The following ZYG11B variants were observed in gnomAD, a reference collection of about 807,000 sequenced individuals.
ZYG11B encodes the protein protein zyg-11 homolog B.
In ZYG11B, 36 loss-of-function variants were observed where a neutral mutation model predicts 82.4. The observed-to-expected ratio is 0.44, with a 90% CI of 0.33 to 0.58. The LOEUF (loss-of-function observed/expected upper bound fraction) is 0.58, where lower values mean the gene tolerates loss of function less well. Among genes scored for constraint, ZYG11B ranks in the 20% least tolerant of loss-of-function variants. ZYG11B has a pLI of 0.02. For missense variants in ZYG11B, 552 were observed against 895.6 expected (o/e 0.62, Z 4.90); for synonymous variants, 303 against 312.8 (o/e 0.97, Z 0.33).
At chr1:52,739,045 G>A (rs532083259) in intron 1 of ZYG11B, among the ~76,000 whole-genome samples, 3 of 136,050 alleles carry the variant, frequency 2.2e-5, no homozygotes, top group African/African-American at 5.8e-5. Context: ...GCAGTGACAC[G>A]ATCTTGGCTC....
intron 12 of ZYG11B, among the ~76,000 whole-genome samples, chr1:52,814,148 G>T (rs1330766713): frequency 6.6e-6 from 1 of 152,112 alleles, no homozygotes; most frequent in African/African-American, 2.4e-5. Flanking sequence ...AGCCTCCCGA[G>T]TAGCTGGGAT....
intron 7 of ZYG11B, 83 bp downstream of exon 7, chr1:52,796,474 A>G: frequency 8.5e-7 from 1 of 1,181,650 alleles, no homozygotes; most frequent in Non-Finnish European, 1.2e-6. Flanking sequence ...GCTGTGTGCC[A>G]GAAACATTAG....
rs869260265 is a variant in ZYG11B at position 52,817,777 on chromosome 1, GTATATATATATATA to G, written c.2044+1174_2044+1187del. The stretch of plus-strand genomic sequence containing the variant: ...AATAGTAAAGTGTGTATATATATGT[GTATATATATATATA>G]TATATATATATATATATATATATAT... On this transcript the variant is annotated intron_variant, in intron 13 of 13. Coordinates refer to ENST00000294353, the MANE Select transcript of ZYG11B (RefSeq NM_024646.3). Among the ~76,000 whole-genome samples, 217 of 41,484 alleles carry G rather than the reference GTATATATATATATA, an allele frequency of 5.2e-3. 2 individuals carry two copies. Among genetic ancestry groups the G allele is most frequent in the African/African-American group, 0.02 (158 of 7,966 alleles). 27.2% of individuals were successfully genotyped at this position (41,484 alleles called of 152,430 possible).
At chr1:52,757,037 C>CTT (rs201568248) in intron 2 of ZYG11B, among the ~76,000 whole-genome samples, 3 of 133,652 alleles carry the variant, frequency 2.2e-5, no homozygotes, top group East Asian at 2.1e-4. Flanking sequence ...TTTGAGAAGT[C>CTT]TTTTTTTTTT....
rs549708637 is a variant in ZYG11B, at chr1:52,799,736, A to G, written c.1486-2083A>G. ...CTTGAATCGGGAAGGTGGAGGTTGC[A>G]GTGAGCCGAGACTGGGCCACTGCAC... On this transcript the variant is annotated intron_variant, in intron 8 of 13. Transcript: ENST00000294353. 2.4e-4 allele frequency among the ~76,000 whole-genome samples: 37 copies of G among 152,184 alleles called. No individual in the cohort carries two copies. The South Asian group carries it at 7.1e-3, about 29-fold the overall frequency.
intron 8 of ZYG11B, 82 bp from the exon 9 acceptor site, chr1:52,801,737 C>T (rs1645077317): frequency 1.7e-6 from 2 of 1,181,652 alleles, no homozygotes; most frequent in African/African-American, 3.1e-5. Flanking sequence ...GACTAATCCT[C>T]ATGGACTTGG....
intron 1 of ZYG11B, among the ~76,000 whole-genome samples, chr1:52,750,397 T>TGAATA (rs1644511126): frequency 6.6e-6 from 1 of 152,078 alleles, no homozygotes; most frequent in Non-Finnish European, 1.5e-5. Flanking sequence ...CTCAGCCTGC[T>TGAATA]GAATAGCTGG....
intron 1 of ZYG11B, among the ~76,000 whole-genome samples, chr1:52,748,253 CTGAT>C (rs1378452497): frequency 6.6e-6 from 1 of 152,102 alleles, no homozygotes; most frequent in Non-Finnish European, 1.5e-5. Flanking sequence ...GCACCAGGAC[CTGAT>C]ACAGAATAAA....
At chr1:52,780,552 G>C (rs955743371) in intron 4 of ZYG11B, among the ~76,000 whole-genome samples, 2 of 152,004 alleles carry the variant, frequency 1.3e-5, no homozygotes, top group African/African-American at 4.8e-5. Context: ...ATTCTATAAG[G>C]TACTTTTCCA....
intron 1 of ZYG11B, among the ~76,000 whole-genome samples, chr1:52,734,995 T>G (rs939340506): frequency 6.6e-5 from 10 of 150,822 alleles, no homozygotes; most frequent in Non-Finnish European, 1.0e-4. Context: ...TCCCAAAGTT[T>G]TGGGATTACA....
intron 2 of ZYG11B, among the ~76,000 whole-genome samples, chr1:52,770,769 G>C (rs1457750017): frequency 6.6e-6 from 1 of 152,184 alleles, no homozygotes; most frequent in African/African-American, 2.4e-5. Context: ...CTAGATGTTA[G>C]TGGATATCAA....
At chr1:52,736,070 T>G (rs1644376442) in intron 1 of ZYG11B, among the ~76,000 whole-genome samples, 1 of 152,196 alleles carries the variant, frequency 6.6e-6, no homozygotes. Context: ...TGTGAACTCC[T>G]TAAGATCCTT....
At chr1:52,809,803 G>A (rs1202557650) in intron 10 of ZYG11B, among the ~76,000 whole-genome samples, 2 of 152,040 alleles carry the variant, frequency 1.3e-5, no homozygotes, top group Non-Finnish European at 2.9e-5. Flanking sequence ...TTGGCCATTT[G>A]TATGTCTTCT....
At chr1:52,791,181 C>T (rs1571781749) in intron 6 of ZYG11B, among the ~76,000 whole-genome samples, 1 of 151,926 alleles carries the variant, frequency 6.6e-6, no homozygotes, top group Non-Finnish European at 1.5e-5. Flanking sequence ...CCACGTTGGC[C>T]ATGCAGGTCT....
chr1:52,790,199 A>T, intron 6 of ZYG11B, 132 bp downstream of exon 6: 1 of 556,720 alleles, frequency 1.8e-6, no homozygotes, highest in Non-Finnish European at 3.0e-6. Context: ...GTTATTTTAT[A>T]GAATGCTAAA....
intron 13 of ZYG11B, among the ~76,000 whole-genome samples, chr1:52,817,775 GTGTATATATATATATATATATATA>G (rs61093472): frequency 4.3e-4 from 14 of 32,566 alleles, no homozygotes; most frequent in African/African-American, 1.1e-3. Flanking sequence ...GTATATATAT[GTGTATATATATATATATATATATA>G]TATATATATA....
chr1:52,739,643 A>T (rs371120539), intron 1 of ZYG11B, among the ~76,000 whole-genome samples: 2,955 of 151,010 alleles, frequency 0.02, 37 homozygotes, highest in Non-Finnish European at 0.031. Flanking sequence ...TTTTTTTTTG[A>T]GAGAGTCTCA....
intron 4 of ZYG11B, among the ~76,000 whole-genome samples, chr1:52,783,882 A>AAGTACATACATGTGTGTGTG (rs1553260823): frequency 7.9e-6 from 1 of 126,012 alleles, no homozygotes; most frequent in Admixed American, 7.9e-5. Context: ...ACGTGTGTGT[A>AAGTACATACATGTGTGTGTG]TATGTACATA....
chr1:52,798,675 T>C (rs749227925), intron 8 of ZYG11B, among the ~76,000 whole-genome samples: 8 of 152,210 alleles, frequency 5.3e-5, no homozygotes, highest in Non-Finnish European at 1.0e-4. Context: ...ATAGAAAATG[T>C]AGAGACTCTG....
Sources: allele counts gnomAD v4.1 joint callset (sites outside exome capture counted in the v4.1 genomes callset), GRCh38; gene constraint gnomAD v4.1.1; transcripts MANE v1.5; gene names NCBI Gene and HGNC (gene_info 2026-07-23, HGNC 2026-07-21).